Variants in SUPT3H observed in about 807,000 individuals in gnomAD.
The protein encoded by SUPT3H is transcription initiation protein SPT3 homolog.
Under a neutral mutation model 44.3 loss-of-function variants are expected in SUPT3H, and 44 were observed. That is an observed-to-expected ratio of 0.99 (90% CI 0.78 to 1.28). The LOEUF (loss-of-function observed/expected upper bound fraction) is 1.28, where lower values mean the gene tolerates loss of function less well. Among genes scored for constraint, SUPT3H ranks in the 50% most tolerant of loss-of-function variants. SUPT3H has a pLI of 0.00. For missense variants in SUPT3H, 380 were observed against 387.1 expected (o/e 0.98, Z 0.15); for synonymous variants, 124 against 125.6 (o/e 0.99, Z 0.09).
At position 44,828,118 on chromosome 6, in the gene SUPT3H, T is replaced by TAGGG. The variant is rs1767971799; in HGVS notation, c.*1697_*1698insCCCT. 6.6e-6 allele frequency among the ~76,000 whole-genome samples: 1 copy of TAGGG among 152,114 alleles called. No homozygotes were observed. Among genetic ancestry groups the TAGGG allele is most frequent in the South Asian group, 2.1e-4 (1 of 4,838 alleles). On this transcript the variant is annotated 3_prime_UTR_variant, in exon 11 of 11. Transcript: ENST00000371459. ...AATTTTGATGTGAAAAATTATCCCCTGAAAATTTTATACCATCTATAAGCC... is the reference window on the plus strand; with the variant it reads ...AATTTTGATGTGAAAAATTATCCCCTAGGGGAAAATTTTATACCATCTATAAGCC...
chr6:45,191,001 T>G (rs982728650), intron 2 of SUPT3H, among the ~76,000 whole-genome samples: 2 of 152,104 alleles, frequency 1.3e-5, no homozygotes, highest in African/African-American at 4.8e-5. Context: ...GAAAATAATT[T>G]GATAGTGTCT....
chr6:45,193,915 T>C (rs753515927), intron 2 of SUPT3H, among the ~76,000 whole-genome samples: 3 of 152,204 alleles, frequency 2.0e-5, no homozygotes, highest in Non-Finnish European at 4.4e-5. Context: ...TTAAGTATTT[T>C]ATCTATTTAA....
intron 2 of SUPT3H, among the ~76,000 whole-genome samples, chr6:45,322,159 CTTATTT>C (rs1361451325): frequency 6.6e-6 from 1 of 151,864 alleles, no homozygotes; most frequent in East Asian, 1.9e-4. Context: ...ACTAGAAATA[CTTATTT>C]TTAAACATAT....
chr6:45,190,807 C>T (rs1195003791), intron 2 of SUPT3H, among the ~76,000 whole-genome samples: 2 of 152,018 alleles, frequency 1.3e-5, no homozygotes, highest in South Asian at 2.1e-4. Context: ...AGAACATACA[C>T]ACATAGCAAA....
chr6:45,090,293 A>T (rs1465098999), intron 3 of SUPT3H, among the ~76,000 whole-genome samples: 1 of 150,548 alleles, frequency 6.6e-6, no homozygotes, highest in Non-Finnish European at 1.5e-5. Flanking sequence ...AGGATAATTT[A>T]TTAATTACCA....
chr6:44,884,602 G>A (rs1778823873), intron 10 of SUPT3H, among the ~76,000 whole-genome samples: 1 of 152,146 alleles, frequency 6.6e-6, no homozygotes, highest in Non-Finnish European at 1.5e-5. Context: ...GCCTATCAAT[G>A]ATAGACTGGA....
At chr6:44,892,441 G>C (rs1297556303) in intron 10 of SUPT3H, among the ~76,000 whole-genome samples, 1 of 152,122 alleles carries the variant, frequency 6.6e-6, no homozygotes, top group Admixed American at 6.6e-5. Context: ...CTTGATCTTG[G>C]ACTTTTCAGC....
rs559622030 is a variant in SUPT3H at position 44,885,362 on chromosome 6, C to A, written c.912+47291G>T. Among the ~76,000 whole-genome samples the A allele has an allele frequency of 3.3e-5, 5 of 152,182 alleles. No homozygotes were observed. In the East Asian group the frequency reaches 5.8e-4, roughly 18 times the overall value. On this transcript the variant is annotated intron_variant, in intron 10 of 10. Coordinates refer to ENST00000371459, the MANE Select transcript of SUPT3H (RefSeq NM_003599.4). ...CCCCGAGAAGCCTAACTGCGAGGCA[C>A]CCCCAGTAGGGGCAGACTGACACCT...
At chr6:45,155,963 C>T (rs569380186) in intron 2 of SUPT3H, among the ~76,000 whole-genome samples, 5 of 152,092 alleles carry the variant, frequency 3.3e-5, no homozygotes, top group African/African-American at 9.6e-5. Flanking sequence ...ATTCATCTAA[C>T]GTTCAAATTC....
intron 2 of SUPT3H, among the ~76,000 whole-genome samples, chr6:45,260,576 A>G (rs1774199062): frequency 6.6e-6 from 1 of 152,172 alleles, no homozygotes; most frequent in African/African-American, 2.4e-5. Flanking sequence ...TTAGTCTCTC[A>G]TAACATAGAT....
At chr6:45,266,225 G>C (rs138497216) in intron 2 of SUPT3H, among the ~76,000 whole-genome samples, 1 of 151,576 alleles carries the variant, frequency 6.6e-6, no homozygotes, top group East Asian at 1.9e-4. Flanking sequence ...CGTTATTCCC[G>C]GGAGAATTAC....
At chr6:45,140,075 G>A (rs1804925404) in intron 2 of SUPT3H, among the ~76,000 whole-genome samples, 2 of 152,000 alleles carry the variant, frequency 1.3e-5, no homozygotes, top group African/African-American at 2.4e-5. Context: ...TGGGAGCTGG[G>A]TGAGGCCTTT....
Position 45,018,948 on chromosome 6 carries a change from T to C in SUPT3H, c.273+1598A>G, listed in dbSNP as rs1784714865. Among the ~76,000 whole-genome samples, 5 of 152,150 alleles carry C rather than the reference T, an allele frequency of 3.3e-5. No individual in the cohort carries two copies. In the South Asian group the frequency reaches 1.0e-3, roughly 32 times the overall value. The stretch of plus-strand genomic sequence containing the variant: ...TACCAGTTCCTCCTTGTACCTCTGG[T>C]AGAATTCGGCTGTGAATCCATCTGG... On this transcript the variant is annotated intron_variant, in intron 4 of 10. Coordinates refer to ENST00000371459, the MANE Select transcript of SUPT3H (RefSeq NM_003599.4).
intron 2 of SUPT3H, among the ~76,000 whole-genome samples, chr6:45,215,550 G>T (rs1054709155): frequency 6.6e-6 from 1 of 152,028 alleles, no homozygotes; most frequent in Non-Finnish European, 1.5e-5. Flanking sequence ...TTTTAAAAAT[G>T]TAGTACAATT....
At chr6:45,132,462 A>C (rs755952493) in intron 2 of SUPT3H, among the ~76,000 whole-genome samples, 2 of 152,202 alleles carry the variant, frequency 1.3e-5, no homozygotes, top group Non-Finnish European at 2.9e-5. Context: ...AAATGACAGG[A>C]TAGAAGAGCA....
intron 2 of SUPT3H, among the ~76,000 whole-genome samples, chr6:45,178,215 T>C (rs185718793): frequency 1.1e-3 from 170 of 151,940 alleles, no homozygotes; most frequent in African/African-American, 3.7e-3. Context: ...AATAAAAGGA[T>C]AGAGGAAGAT....
chr6:45,275,048 G>A (rs1030503246), intron 2 of SUPT3H, among the ~76,000 whole-genome samples: 1 of 151,998 alleles, frequency 6.6e-6, no homozygotes, highest in Non-Finnish European at 1.5e-5. Flanking sequence ...CTGAAACTTG[G>A]TATATATGTT....
At chr6:45,014,119 C>T (rs2153513585) in intron 5 of SUPT3H, among the ~76,000 whole-genome samples, 1 of 152,026 alleles carries the variant, frequency 6.6e-6, no homozygotes, top group Admixed American at 6.6e-5. Flanking sequence ...ATGTGTTCTA[C>T]CTGAATATTT....
At chr6:44,872,724 A>AC (rs1428977233) in intron 10 of SUPT3H, among the ~76,000 whole-genome samples, 2 of 48,846 alleles carry the variant, frequency 4.1e-5, no homozygotes, top group African/African-American at 1.2e-4. Flanking sequence ...AAGAGTCAAG[A>AC]CCCATCAGTG....
Sources: allele counts gnomAD v4.1 joint callset (sites outside exome capture counted in the v4.1 genomes callset), GRCh38; gene constraint gnomAD v4.1.1; transcripts MANE v1.5; gene names NCBI Gene and HGNC (gene_info 2026-07-23, HGNC 2026-07-21).